BRD7: variants seen among roughly 807,000 people sequenced by gnomAD.
BRD7 encodes the protein bromodomain-containing protein 7.
In BRD7, 15 loss-of-function variants were observed where a neutral mutation model predicts 82.1. That is an observed-to-expected ratio of 0.18 (90% CI 0.12 to 0.28). The LOEUF (loss-of-function observed/expected upper bound fraction) is 0.28. Ranked by LOEUF, BRD7 falls within the 10% of genes least tolerant of loss-of-function variation. The probability of loss-of-function intolerance (pLI) is 1.00; values close to 1 mark genes in which losing one functional copy is unlikely to be tolerated. For missense variants in BRD7, 638 were observed against 779.9 expected, an observed-to-expected ratio of 0.82 and a Z score of 2.17; for synonymous variants, 232 against 266.9, an observed-to-expected ratio of 0.87 and a Z score of 1.27.
At chr16:50,335,360 T>C (rs2037754219) in intron 6 of BRD7, among the ~76,000 whole-genome samples, 1 of 152,214 alleles carries the variant, frequency 6.6e-6, no homozygotes, top group African/African-American at 2.4e-5. Flanking sequence ...ACGCTGGCAT[T>C]TCACTCTGTG....
At chr16:50,332,282 G>GT (rs2037600487) in intron 8 of BRD7, among the ~76,000 whole-genome samples, 1 of 151,876 alleles carries the variant, frequency 6.6e-6, no homozygotes, top group South Asian at 2.1e-4. Context: ...CTAATACCCA[G>GT]TATCTATAAG....
chr16:50,323,514 T>C, intron 12 of BRD7, 73 bp downstream of exon 12: 1 of 1,237,926 alleles, frequency 8.1e-7, no homozygotes, highest in South Asian at 1.3e-5. Context: ...AATCCCATGG[T>C]TTCATTATAC....
rs780195350 is a variant in BRD7 at position 50,328,657 on chromosome 16, C to G, written c.1087+12G>C. 77 of 1,610,424 alleles carry G rather than the reference C, an allele frequency of 4.8e-5. No individual in the cohort carries two copies. The highest frequency in any genetic ancestry group is 6.4e-5 in the Non-Finnish European group (76 of 1,178,576). On this transcript the variant is annotated intron_variant, in intron 9 of 16. Transcript: ENST00000394688. The stretch of plus-strand genomic sequence containing the variant: ...AGCATCAAGTTCATGCACAGTTTTA[C>G]TCTGATCCTACCTCCTACAATGGGA...
At chr16:50,358,957 G>C (rs1464074008) in intron 2 of BRD7, among the ~76,000 whole-genome samples, 3 of 152,134 alleles carry the variant, frequency 2.0e-5, no homozygotes, top group African/African-American at 7.2e-5. Flanking sequence ...TTTCCCATCT[G>C]TACAACACAA....
At chr16:50,334,488 A>C (rs1166391641) in intron 7 of BRD7, among the ~76,000 whole-genome samples, 1 of 152,214 alleles carries the variant, frequency 6.6e-6, no homozygotes, top group Non-Finnish European at 1.5e-5. Context: ...TTCAATAAGA[A>C]TACACATTAG....
rs755352745 is a variant in BRD7, at chr16:50,325,711, T to G, written c.1331+37A>C. The G allele has an allele frequency of 6.5e-6, 10 of 1,544,356 alleles. No individual in the cohort carries two copies. The South Asian group carries it at 1.1e-4, about 17-fold the overall frequency. On this transcript the variant is annotated intron_variant, in intron 11 of 16. Transcript: ENST00000394688. ...AATCATGTATGTACTTTAATGTTTT[T>G]AAACAAATGTAATCAGAATATTAAC...
chr16:50,361,363 GACT>G (rs1186938904), intron 2 of BRD7, among the ~76,000 whole-genome samples: 2 of 152,084 alleles, frequency 1.3e-5, no homozygotes, highest in African/African-American at 4.8e-5. Context: ...TTTTTTTAAT[GACT>G]ACTATCTTTC....
chr16:50,330,549 A>G (rs2037520941), intron 8 of BRD7, among the ~76,000 whole-genome samples: 2 of 152,144 alleles, frequency 1.3e-5, no homozygotes, highest in Non-Finnish European at 2.9e-5. Context: ...TGATAGTCTA[A>G]GAGGGGGAGA....
chr16:50,364,502 G>A (rs2039062294), intron 2 of BRD7, among the ~76,000 whole-genome samples: 1 of 152,190 alleles, frequency 6.6e-6, no homozygotes, highest in Admixed American at 6.5e-5. Flanking sequence ...AGCCCTGAAT[G>A]TGAAATAGAA....
At chr16:50,322,675 CAA>C (rs1201115134) in intron 12 of BRD7, among the ~76,000 whole-genome samples, 7 of 152,106 alleles carry the variant, frequency 4.6e-5, no homozygotes, top group Non-Finnish European at 8.8e-5. Flanking sequence ...TATTGAAGGA[CAA>C]AGACACTTGA....
chr16:50,324,866 G>T (rs779627041), intron 11 of BRD7, among the ~76,000 whole-genome samples: 4 of 152,210 alleles, frequency 2.6e-5, no homozygotes, highest in African/African-American at 4.8e-5. Flanking sequence ...GATCCAGAAA[G>T]AATTCATTCA....
chr16:50,365,937 G>A (rs1163845239), intron 2 of BRD7, among the ~76,000 whole-genome samples: 1 of 152,100 alleles, frequency 6.6e-6, no homozygotes, highest in African/African-American at 2.4e-5. Flanking sequence ...TGAACTGAAG[G>A]CACAAGTATT....
At position 50,334,702 on chromosome 16, in the gene BRD7, A is replaced by G. The variant is rs1407681745; in HGVS notation, c.887+9T>C. 6.2e-7 allele frequency: 1 copy of G among 1,611,452 alleles called. No homozygotes were observed. The highest frequency in any genetic ancestry group is 1.3e-5 in the African/African-American group (1 of 74,510). Reference sequence around the variant, plus strand: ...ACAGTTTGACCTTAACATCCCAAAGATCTTTTACTTTTTATTTTCTTTGCT... The same window carrying G: ...ACAGTTTGACCTTAACATCCCAAAGGTCTTTTACTTTTTATTTTCTTTGCT... On this transcript the variant is annotated intron_variant, in intron 7 of 16. Transcript: ENST00000394688.
intron 12 of BRD7, 54 bp from the exon 13 acceptor site, chr16:50,322,092 A>C: frequency 7.2e-6 from 10 of 1,393,220 alleles, no homozygotes; most frequent in Non-Finnish European, 9.9e-6. Context: ...GGCGAATATC[A>C]AGGAAAAGAG....
chr16:50,367,364 G>A (rs2039187673), intron 2 of BRD7, among the ~76,000 whole-genome samples: 1 of 152,172 alleles, frequency 6.6e-6, no homozygotes, highest in South Asian at 2.1e-4. Flanking sequence ...TGGGACACAG[G>A]TGCACACCAC....
chr16:50,368,575 A>G, intron 1 of BRD7, 151 bp downstream of exon 1: 1 of 780,770 alleles, frequency 1.3e-6, no homozygotes, highest in Non-Finnish European at 1.9e-6. Flanking sequence ...CACGGGGGGC[A>G]GCGCGGCCTC....
At chr16:50,332,233 C>T (rs1343252636) in intron 8 of BRD7, among the ~76,000 whole-genome samples, 1 of 105,296 alleles carries the variant, frequency 9.5e-6, no homozygotes, top group Non-Finnish European at 1.8e-5. Flanking sequence ...GTGTGAACTA[C>T]GCATCCAATA....
rs201358369 is a variant in BRD7, at chr16:50,325,644, A to AT, written c.1331+103dup. 2.7e-3 allele frequency: 2,960 copies of AT among 1,086,812 alleles called. 29 individuals are homozygous for AT. The Admixed American group carries it at 0.033, about 12-fold the overall frequency. 67.3% of individuals were successfully genotyped at this position (1,086,812 alleles called of 1,614,324 possible). A position where few individuals can be genotyped will look rare whatever the true frequency, so the allele number is the denominator to read the frequency against. On this transcript the variant is annotated intron_variant, in intron 11 of 16. Coordinates refer to ENST00000394688, the MANE Select transcript of BRD7 (RefSeq NM_013263.5). ...AGCTTAAAAAAAAATTACTGAGCAC[A>AT]TTTTTTTTTACTACTCGGCCAGCTT...
chr16:50,319,746 G>GGACTT, intron 16 of BRD7, 141 bp downstream of exon 16: 2 of 1,023,870 alleles, frequency 2.0e-6, no homozygotes, highest in Non-Finnish European at 2.8e-6. Flanking sequence ...TTTATGTTAG[G>GGACTT]GACTTGAGCA....
Sources: allele counts gnomAD v4.1 joint callset (sites outside exome capture counted in the v4.1 genomes callset), GRCh38; gene constraint gnomAD v4.1.1; transcripts MANE v1.5; gene names NCBI Gene and HGNC (gene_info 2026-07-23, HGNC 2026-07-21).